The following SGK3 variants were observed in gnomAD, a reference collection of about 807,000 sequenced individuals.
SGK3 encodes serine/threonine-protein kinase Sgk3.
Under a neutral mutation model 68.5 loss-of-function variants are expected in SGK3, and 47 were observed. The ratio of observed to expected loss-of-function variants is 0.69; its 90% CI spans 0.54 to 0.87. The LOEUF is 0.87. Ranked by LOEUF, SGK3 falls within the 40% of genes least tolerant of loss-of-function variation. The probability of loss-of-function intolerance (pLI) is 0.00; values close to 1 mark genes in which losing one functional copy is unlikely to be tolerated. For missense variants in SGK3, 479 were observed against 575.5 expected (o/e 0.83, Z 1.72); for synonymous variants, 181 against 189.1 (o/e 0.96, Z 0.35).
intron 4 of SGK3, among the ~76,000 whole-genome samples, chr8:66,806,745 G>A (rs758777863): frequency 1.3e-4 from 19 of 151,452 alleles, no homozygotes; most frequent in Admixed American, 7.9e-4. Flanking sequence ...TCCAGGAGTC[G>A]GAGGTTGCAG....
At chr8:66,830,031 T>G (rs941706715) in intron 7 of SGK3, among the ~76,000 whole-genome samples, 1 of 152,130 alleles carries the variant, frequency 6.6e-6, no homozygotes, top group African/African-American at 2.4e-5. Flanking sequence ...GCCCAGCTAA[T>G]TTTTGTAGAG....
chr8:66,826,525 A>G (rs1476281246), intron 6 of SGK3, among the ~76,000 whole-genome samples: 1 of 152,262 alleles, frequency 6.6e-6, no homozygotes, highest in African/African-American at 2.4e-5. Flanking sequence ...CTATGCCGCA[A>G]CAGGACTAAT....
At chr8:66,811,098 C>G (rs111511678) in intron 4 of SGK3, among the ~76,000 whole-genome samples, 1 of 152,206 alleles carries the variant, frequency 6.6e-6, no homozygotes, top group Non-Finnish European at 1.5e-5. Flanking sequence ...CTCACTGCAA[C>G]CTCTGCCTCC....
intron 1 of SGK3, among the ~76,000 whole-genome samples, chr8:66,766,299 G>T (rs1806316413): frequency 6.6e-6 from 1 of 152,064 alleles, no homozygotes; most frequent in African/African-American, 2.4e-5. Flanking sequence ...GATGTGGGTG[G>T]ATCACTTGAG....
At chr8:66,837,876 T>G (rs961626023) in intron 10 of SGK3, among the ~76,000 whole-genome samples, 1 of 152,226 alleles carries the variant, frequency 6.6e-6, no homozygotes, top group Non-Finnish European at 1.5e-5. Context: ...GACCCCACAT[T>G]GTTTTCACCT....
At chr8:66,805,260 C>G (rs1808107832) in intron 4 of SGK3, among the ~76,000 whole-genome samples, 1 of 152,112 alleles carries the variant, frequency 6.6e-6, no homozygotes, top group South Asian at 2.1e-4. Flanking sequence ...TGGCTCACGC[C>G]TGTAATCCTA....
chr8:66,752,830 A>C (rs1805858591), intron 1 of SGK3, among the ~76,000 whole-genome samples: 1 of 151,924 alleles, frequency 6.6e-6, no homozygotes, highest in South Asian at 2.1e-4. Flanking sequence ...GGGGAGTTTG[A>C]AGGGAGTGGG....
intron 1 of SGK3, among the ~76,000 whole-genome samples, chr8:66,721,932 T>G (rs1157102325): frequency 6.6e-6 from 1 of 152,204 alleles, no homozygotes; most frequent in African/African-American, 2.4e-5. Flanking sequence ...TAGCAATCTT[T>G]GAGAAGTGGT....
intron 14 of SGK3, among the ~76,000 whole-genome samples, chr8:66,844,014 A>C (rs1055725981): frequency 1.1e-4 from 17 of 151,748 alleles, no homozygotes; most frequent in Non-Finnish European, 1.9e-4. Flanking sequence ...AAAAAAAAAA[A>C]AAAAACCCTT....
intron 1 of SGK3, among the ~76,000 whole-genome samples, chr8:66,717,595 T>TTA (rs1804674761): frequency 6.6e-6 from 1 of 152,232 alleles, no homozygotes; most frequent in African/African-American, 2.4e-5. Flanking sequence ...GACTCACTGA[T>TTA]TAGCCAGTCT....
chr8:66,813,511 A>G (rs1808463357), intron 4 of SGK3, among the ~76,000 whole-genome samples: 1 of 151,988 alleles, frequency 6.6e-6, no homozygotes, highest in East Asian at 1.9e-4. Flanking sequence ...ATTGTTTGGT[A>G]GTACGTGAGG....
At chr8:66,768,651 G>GC (rs534652796) in intron 1 of SGK3, among the ~76,000 whole-genome samples, 13 of 152,078 alleles carry the variant, frequency 8.5e-5, no homozygotes, top group African/African-American at 3.1e-4. Context: ...TGCAACCTCT[G>GC]CCCCCCAGGT....
At chr8:66,771,819 G>A (rs1024825779) in intron 1 of SGK3, among the ~76,000 whole-genome samples, 3 of 152,004 alleles carry the variant, frequency 2.0e-5, no homozygotes, top group Non-Finnish European at 2.9e-5. Flanking sequence ...GCAATGAGGT[G>A]AAGAAGAATA....
At chr8:66,850,252 A>G (rs1207183269) in intron 15 of SGK3, among the ~76,000 whole-genome samples, 3 of 152,294 alleles carry the variant, frequency 2.0e-5, no homozygotes, top group African/African-American at 7.2e-5. Context: ...AGTCTTTTTT[A>G]ACCCACCAAA....
intron 7 of SGK3, 118 bp from the exon 8 acceptor site, chr8:66,831,136 T>C: frequency 8.5e-7 from 1 of 1,174,194 alleles, no homozygotes; most frequent in Admixed American, 2.0e-5. Flanking sequence ...CTAGAGTTAA[T>C]AGGCTGAAGT....
intron 8 of SGK3, among the ~76,000 whole-genome samples, chr8:66,832,304 T>C (rs1809335588): frequency 6.6e-6 from 1 of 152,206 alleles, no homozygotes; most frequent in East Asian, 1.9e-4. Context: ...ATTTAAGTGC[T>C]TTTTTTACAG....
chr8:66,767,375 A>G (rs1806349841), intron 1 of SGK3: 1 of 1,183,142 alleles, frequency 8.5e-7, no homozygotes, highest in Non-Finnish European at 1.3e-6. Flanking sequence ...AAATATACAC[A>G]AACTCTAAAG....
chr8:66,764,422 T>A (rs1414257392), intron 1 of SGK3, among the ~76,000 whole-genome samples: 1 of 152,186 alleles, frequency 6.6e-6, no homozygotes, highest in Non-Finnish European at 1.5e-5. Flanking sequence ...CTCTAAATAA[T>A]AAAATTATAT....
chr8:66,722,964 A>T (rs1163157300), intron 1 of SGK3, among the ~76,000 whole-genome samples: 1 of 151,416 alleles, frequency 6.6e-6, no homozygotes. Flanking sequence ...CATGATCCAA[A>T]CACCTTTCAC....
Sources: allele counts gnomAD v4.1 joint callset (sites outside exome capture counted in the v4.1 genomes callset), GRCh38; gene constraint gnomAD v4.1.1; transcripts MANE v1.5; gene names NCBI Gene and HGNC (gene_info 2026-07-23, HGNC 2026-07-21).